Variants in TNFRSF18 observed in about 807,000 individuals in gnomAD.
The protein encoded by TNFRSF18 is TNF receptor superfamily member 18, also known as tumor necrosis factor receptor superfamily member 18.
In TNFRSF18, 36 loss-of-function variants were observed where a neutral mutation model predicts 30.2. The observed-to-expected ratio is 1.19, with a 90% confidence interval of 0.91 to 1.58. TNFRSF18 has a LOEUF of 1.58. Among genes scored for constraint, TNFRSF18 ranks in the 40% most tolerant of loss-of-function variants. TNFRSF18 has a pLI of 0.00. For missense variants in TNFRSF18, 369 were observed against 345.4 expected (o/e 1.07, Z -0.54); for synonymous variants, 173 against 158.3 (o/e 1.09, Z -0.70).
chr1:1,203,707 C>A lies in TNFRSF18; in HGVS notation c.*137G>T. The A allele has an allele frequency of 6.4e-7, 1 of 1,563,444 alleles. No homozygotes were observed. Among genetic ancestry groups the A allele is most frequent in the Admixed American group, 1.8e-5 (1 of 55,858 alleles). ...GAACTGCATGGTCCAGGGCGCTGGT[C>A]ACTGCCACCTTCCTGCACCCACTTC... On this transcript the variant is annotated 3_prime_UTR_variant, in exon 5 of 5. Coordinates refer to ENST00000379268, the MANE Select transcript of TNFRSF18 (RefSeq NM_004195.3).
intron 1 of TNFRSF18, 150 bp from the exon 2 acceptor site, chr1:1,205,642 C>T (rs977068696): frequency 1.3e-6 from 1 of 798,042 alleles, no homozygotes; most frequent in Non-Finnish European, 2.0e-6. Context: ...GGAGTCTGGA[C>T]CCTGGGTTTA....
intron 1 of TNFRSF18, 189 bp from the exon 2 acceptor site, chr1:1,205,681 G>A (rs891356046): frequency 1.6e-6 from 1 of 638,306 alleles, no homozygotes; most frequent in East Asian, 2.8e-5. Flanking sequence ...CTGGGGCCAT[G>A]TGGCCTGGCT....
chr1:1,203,660 G>T lies in TNFRSF18; in HGVS notation c.*184C>A. 1 of 1,548,732 alleles carries T rather than the reference G, an allele frequency of 6.5e-7. No individual in the cohort carries two copies. The highest frequency in any genetic ancestry group is 8.7e-7 in the Non-Finnish European group (1 of 1,155,224). On this transcript the variant is annotated 3_prime_UTR_variant, in exon 5 of 5. Transcript: ENST00000379268. Reference sequence around the variant, plus strand: ...ATGACTGTGTCTCTCTCTCCCTCCTGCAGGGCCCAGCCGCGGCCGCCGAAC... The same window carrying T: ...ATGACTGTGTCTCTCTCTCCCTCCTTCAGGGCCCAGCCGCGGCCGCCGAAC...
intron 2 of TNFRSF18, 65 bp from the exon 3 acceptor site, chr1:1,204,551 G>A: frequency 7.5e-7 from 1 of 1,341,318 alleles, no homozygotes; most frequent in Non-Finnish European, 1.1e-6. Context: ...GGATGAGGAG[G>A]GCGTCAGGCC....
Position 1,203,889 on chromosome 1 carries a change from C to A in TNFRSF18, c.681G>T (p.Glu227Asp). 1 of 1,605,554 alleles carries A rather than the reference C, an allele frequency of 6.2e-7. No homozygotes were observed. The highest frequency in any genetic ancestry group is 1.3e-5 in the African/African-American group (1 of 75,022). The change falls in exon 5 of 5, where the codon GAG (glutamate) becomes GAT (aspartate). Residue 227 changes from glutamate (E) to aspartate (D), a missense_variant. Coordinates refer to ENST00000379268, the MANE Select transcript of TNFRSF18 (RefSeq NM_004195.3). ...GCCGCCCCTTCTCCTCTGCCGATCGCTCGCCCCGCTCTTCCTCGGGGAACT... is the reference window on the plus strand; with the variant it reads ...GCCGCCCCTTCTCCTCTGCCGATCGATCGCCCCGCTCTTCCTCGGGGAACT... ...SCQFPEEERG[E>D]RSAEEKGRLG... is the part of the protein sequence containing the mutation.
At position 1,205,586 on chromosome 1, in the gene TNFRSF18, G is replaced by T. The variant is rs547457921; in HGVS notation, c.188-94C>A. ...GCCCTCCAGGGGAGTGAGGTTGTCC[G>T]TTCTCCACCCACAGTTGGCTCCAGG... is the stretch of plus-strand genomic sequence containing the variant. On this transcript the variant is annotated intron_variant, in intron 1 of 4. Transcript: ENST00000379268. The T allele has an allele frequency of 4.4e-5, 61 of 1,384,664 alleles. No individual in the cohort carries two copies. The African/African-American group carries it at 8.3e-4, about 19-fold the overall frequency. 85.8% of individuals were successfully genotyped at this position (1,384,664 alleles called of 1,614,324 possible).
intron 1 of TNFRSF18, 45 bp downstream of exon 1, chr1:1,206,340 G>A (rs1033291090): frequency 2.5e-5 from 39 of 1,533,540 alleles, no homozygotes; most frequent in South Asian, 1.2e-4. Flanking sequence ...CGGCTTCCGC[G>A]GGACGCCTTG....
In TNFRSF18 at chr1:1,206,541, G is replaced by A. The variant is rs757385897; in HGVS notation, c.31C>T (p.Arg11Trp). 3.3e-5 allele frequency: 50 copies of A among 1,523,108 alleles called. No individual in the cohort carries two copies. Among genetic ancestry groups the A allele is most frequent in the African/African-American group, 7.1e-5 (5 of 70,570 alleles). 94.3% of individuals were successfully genotyped at this position (1,523,108 alleles called of 1,614,324 possible). A position where few individuals can be genotyped will look rare whatever the true frequency, so the allele number is the denominator to read the frequency against. Residue 11 changes from arginine to tryptophan, a missense_variant, in exon 1 of 5, where the codon CGG (arginine) becomes TGG (tryptophan). By Grantham distance (101) the Arg-to-Trp change is moderately radical. Coordinates refer to ENST00000379268, the MANE Select transcript of TNFRSF18 (RefSeq NM_004195.3). ...AGCAGCGCCAGGCCGCACAGGGCCC[G>A]AAACGCGCCCATCGCCCCGTGCTGT... The part of the protein sequence containing the change: MAQHGAMGAF[R>W]ALCGLALLCA...
At chr1:1,206,180 G>A (rs532807931) in intron 1 of TNFRSF18, among the ~76,000 whole-genome samples, 5 of 152,290 alleles carry the variant, frequency 3.3e-5, no homozygotes, top group Admixed American at 2.6e-4. Context: ...GCTCCCGGCC[G>A]GGGCCACTGG....
Position 1,206,578 on chromosome 1 carries a change from G to A in TNFRSF18, c.-7C>T, listed in dbSNP as rs887868789. On this transcript the variant is annotated 5_prime_UTR_variant, in exon 1 of 5. Transcript: ENST00000379268. ...TCGCCCCGTGCTGTGCCATGCTCGG[G>A]TTTCAAGAGCCCACAGCCAGTTGGA... 2.9e-5 allele frequency: 43 copies of A among 1,485,232 alleles called. No homozygotes were observed. The highest frequency in any genetic ancestry group is 3.6e-5 in the Non-Finnish European group (40 of 1,123,352). 92.0% of individuals were successfully genotyped at this position (1,485,232 alleles called of 1,614,324 possible).
At chr1:1,206,306 G>A (rs987238497) in intron 1 of TNFRSF18, 79 bp downstream of exon 1, 29 of 1,485,582 alleles carry the variant, frequency 2.0e-5, no homozygotes, top group African/African-American at 1.8e-4. Flanking sequence ...GTCTGAGCAC[G>A]GGAAGGGGGG....
chr1:1,205,264 C>T (rs1021707989), intron 2 of TNFRSF18, 106 bp downstream of exon 2: 2 of 1,520,458 alleles, frequency 1.3e-6, no homozygotes, highest in African/African-American at 1.4e-5. Context: ...CTCCGGACCC[C>T]ACACACCACA....
chr1:1,206,112 G>A (rs559979123), intron 1 of TNFRSF18, among the ~76,000 whole-genome samples: 7 of 152,304 alleles, frequency 4.6e-5, no homozygotes, highest in East Asian at 1.9e-4. Flanking sequence ...TGGAACAGCC[G>A]TCCTCCACCT....
Position 1,203,927 on chromosome 1 carries a change from C to T in TNFRSF18, c.643G>A (p.Ala215Thr), listed in dbSNP as rs371801033. ...TCCTCGGGGAACTGGCAGCTTCTGG[C>T]GTCTTCGGTCGACGGCGGCACCTCC... The part of the protein sequence containing the change: ...LLEVPPSTED[A>T]RSCQFPEEER... The change falls in exon 5 of 5, where the codon GCC becomes ACC. Residue 215 changes from alanine (A) to threonine (T), a missense_variant. Ala to Thr is a moderately conservative substitution (Grantham distance 58). Coordinates refer to ENST00000379268, the MANE Select transcript of TNFRSF18 (RefSeq NM_004195.3). The T allele has an allele frequency of 1.0e-5, 16 of 1,607,404 alleles. No individual in the cohort carries two copies. The highest frequency in any genetic ancestry group is 6.6e-5 in the South Asian group (6 of 90,902).
At position 1,203,657 on chromosome 1, in the gene TNFRSF18, C is replaced by A; in HGVS notation, c.*187G>T. The A allele has an allele frequency of 6.5e-7, 1 of 1,549,592 alleles. No homozygotes were observed. On this transcript the variant is annotated 3_prime_UTR_variant, in exon 5 of 5. Transcript: ENST00000379268. ...GCCATGACTGTGTCTCTCTCTCCCT[C>A]CTGCAGGGCCCAGCCGCGGCCGCCG...
chr1:1,204,448 A>C lies in TNFRSF18; in HGVS notation c.349T>G (p.Ser117Ala). Residue 117 changes from serine to alanine, a missense_variant, in exon 3 of 5, where the codon TCG (serine) becomes GCG (alanine). Physicochemically the swap from Ser to Ala is moderately conservative, Grantham distance 99 (BLOSUM62 1). Transcript: ENST00000379268. Reference sequence around the variant, plus strand: ...TCGTGGCCCCCGGAGAAGGTCCCCGAGGCACAGTCGATACACTGGAAGCCA... The same window carrying C: ...TCGTGGCCCCCGGAGAAGGTCCCCGCGGCACAGTCGATACACTGGAAGCCA... ...SFGFQCIDCA[S>A]GTFSGGHEGH... The C allele has an allele frequency of 6.8e-7, 1 of 1,474,852 alleles. No individual in the cohort carries two copies. The highest frequency in any genetic ancestry group is 9.1e-7 in the Non-Finnish European group (1 of 1,096,114). 91.4% of individuals were successfully genotyped at this position (1,474,852 alleles called of 1,614,324 possible). A position where few individuals can be genotyped will look rare whatever the true frequency, so the allele number is the denominator to read the frequency against.
Position 1,203,628 on chromosome 1 carries a change from G to T in TNFRSF18, c.*216C>A. 1 of 1,537,490 alleles carries T rather than the reference G, an allele frequency of 6.5e-7. No individual in the cohort carries two copies. The highest frequency in any genetic ancestry group is 8.7e-7 in the Non-Finnish European group (1 of 1,150,486). On this transcript the variant is annotated 3_prime_UTR_variant, in exon 5 of 5. Transcript: ENST00000379268. ...CCCATCAGGGCCAGCAAGGGAGGAA[G>T]GGGGCCATGACTGTGTCTCTCTCTC...
At chr1:1,204,602 GCC>G in intron 2 of TNFRSF18, 116 bp from the exon 3 acceptor site, 1 of 751,190 alleles carries the variant, frequency 1.3e-6, no homozygotes, top group Non-Finnish European at 2.3e-6. Context: ...TGAGTAGAAT[GCC>G]CCCCCCATCA....
chr1:1,205,997 A>G (rs1053377699), intron 1 of TNFRSF18, among the ~76,000 whole-genome samples: 3 of 152,194 alleles, frequency 2.0e-5, no homozygotes, highest in Non-Finnish European at 4.4e-5. Context: ...CCCCAGGTGC[A>G]GGTCAGAGGC....
Sources: gnomAD v4.1 joint callset for allele counts (sites outside exome capture counted in the v4.1 genomes callset) on GRCh38, gnomAD v4.1.1 for gene constraint, MANE v1.5 for transcripts, NCBI Gene and HGNC (gene_info 2026-07-23, HGNC 2026-07-21) for gene names.